The following KLF8 variants were observed in gnomAD, a reference collection of about 807,000 sequenced individuals.
KLF8 encodes KLF transcription factor 8.
A neutral mutation model predicts 18.2 loss-of-function variants in KLF8; 10 were observed. The ratio of observed to expected loss-of-function variants is 0.55; its 90% CI spans 0.34 to 0.93. The LOEUF is 0.93. KLF8 is among the 40% of genes least tolerant of loss of function. The pLI is 0.02. For synonymous variants in KLF8, 109 were observed against 97.3 expected (o/e 1.12, Z -0.71); for missense variants, 264 against 277.9 (o/e 0.95, Z 0.36).
At chrX:56,008,228 G>A in the KLF8 span, among the ~76,000 whole-genome samples, 1 of 108,778 alleles carries the variant, frequency 9.2e-6, no homozygotes. Flanking sequence ...AAAAATGGGG[G>A]GAGGTGGCCA....
At chrX:55,936,984 T>C in the KLF8 span, among the ~76,000 whole-genome samples, 4 of 111,993 alleles carry the variant, frequency 3.6e-5, no homozygotes, top group African/African-American at 1.3e-4. Context: ...CAGTAACCTT[T>C]GCAGACTTAA....
the KLF8 span, among the ~76,000 whole-genome samples, chrX:56,104,842 G>A: frequency 1.8e-5 from 2 of 111,444 alleles, no homozygotes; most frequent in African/African-American, 6.5e-5. Context: ...GCTTTCCCTT[G>A]TGGGCATTTA....
the KLF8 span, among the ~76,000 whole-genome samples, chrX:56,150,241 T>C: frequency 4.5e-5 from 5 of 111,570 alleles, no homozygotes; most frequent in Non-Finnish European, 7.5e-5. Flanking sequence ...TTAGTGAAGG[T>C]TCCTTAACAC....
the KLF8 span, among the ~76,000 whole-genome samples, chrX:56,087,436 A>G: frequency 9.2e-6 from 1 of 109,101 alleles, no homozygotes; most frequent in South Asian, 4.0e-4. Flanking sequence ...GCACCCCCTC[A>G]CCCCTCTCTT....
At chrX:56,168,996 G>T in the KLF8 span, among the ~76,000 whole-genome samples, 16 of 111,696 alleles carry the variant, frequency 1.4e-4, no homozygotes, top group South Asian at 6.1e-3. Flanking sequence ...AAAATAGTAT[G>T]ATAATGGCAT....
chrX:56,051,534 G>T, the KLF8 span, among the ~76,000 whole-genome samples: 2 of 110,358 alleles, frequency 1.8e-5, no homozygotes. Flanking sequence ...ATGAAGCTTA[G>T]TTTGGCTGGA....
rs866594131 is a variant in KLF8, at chrX:56,233,386, G to A, written c.7+45G>A. 2.6e-5 allele frequency: 26 copies of A among 981,171 alleles called. No homozygotes were observed. In the Middle Eastern group the frequency reaches 1.8e-3, roughly 68 times the overall value. The allele number at this position is 981,171 out of a possible 1,213,427, so 80.9% of individuals were successfully genotyped here. On this transcript the variant is annotated intron_variant, in intron 1 of 5. Coordinates refer to ENST00000468660, the MANE Select transcript of KLF8 (RefSeq NM_007250.5). ...ATACCCACCCACTCCCACCTCTTTCGTCTAGATTCTATCCCCCTCCCAGTC... is the reference window on the plus strand; with the variant it reads ...ATACCCACCCACTCCCACCTCTTTCATCTAGATTCTATCCCCCTCCCAGTC...
chrX:56,167,109 G>A, the KLF8 span, among the ~76,000 whole-genome samples: 1 of 111,673 alleles, frequency 9.0e-6, no homozygotes, highest in Non-Finnish European at 1.9e-5. Context: ...TGCCACATGT[G>A]ACACATTGCT....
intron 1 of KLF8, among the ~76,000 whole-genome samples, chrX:56,235,047 A>G (rs1428094653): frequency 1.8e-5 from 2 of 111,170 alleles, no homozygotes; most frequent in Non-Finnish European, 3.8e-5. Context: ...TTGGGAAAAA[A>G]ATAACCATGT....
the KLF8 span, among the ~76,000 whole-genome samples, chrX:56,048,098 G>T: frequency 9.0e-6 from 1 of 111,263 alleles, no homozygotes; most frequent in African/African-American, 3.3e-5. Flanking sequence ...TCCTTTGCCC[G>T]TGTTTTGATG....
chrX:56,120,299 A>C, the KLF8 span, among the ~76,000 whole-genome samples: 1 of 111,466 alleles, frequency 9.0e-6, no homozygotes, highest in Non-Finnish European at 1.9e-5. Context: ...AGCCCTCTTG[A>C]AGGCTTAGGA....
intron 5 of KLF8, among the ~76,000 whole-genome samples, chrX:56,273,838 T>C (rs1218232144): frequency 8.9e-6 from 1 of 112,210 alleles, no homozygotes; most frequent in Non-Finnish European, 1.9e-5. Flanking sequence ...CTAGTTGTTT[T>C]GCCCAGAGGC....
At chrX:56,029,974 A>G in the KLF8 span, among the ~76,000 whole-genome samples, 1 of 112,013 alleles carries the variant, frequency 8.9e-6, no homozygotes, top group South Asian at 3.8e-4. Flanking sequence ...TTCCTGCAAA[A>G]CCAGCCTGTT....
At chrX:56,062,344 G>T in the KLF8 span, among the ~76,000 whole-genome samples, 1 of 111,088 alleles carries the variant, frequency 9.0e-6, no homozygotes, top group Non-Finnish European at 1.9e-5. Flanking sequence ...TCCTTGTTTA[G>T]TGTTTTCTTC....
At chrX:55,975,040 C>T in the KLF8 span, among the ~76,000 whole-genome samples, 1 of 111,346 alleles carries the variant, frequency 9.0e-6, no homozygotes, top group Non-Finnish European at 1.9e-5. Flanking sequence ...TTCTGATAAA[C>T]AGAAAATTAA....
the KLF8 span, among the ~76,000 whole-genome samples, chrX:56,192,185 C>A: frequency 3.1e-4 from 34 of 111,387 alleles, no homozygotes; most frequent in African/African-American, 1.1e-3. Context: ...CAAGAGGAAA[C>A]CATCTGAAAT....
At chrX:56,197,837 C>A in the KLF8 span, among the ~76,000 whole-genome samples, 1 of 112,035 alleles carries the variant, frequency 8.9e-6, no homozygotes, top group South Asian at 3.7e-4. Context: ...CAAAAATCCT[C>A]AATAAAATAC....
chrX:56,166,187 C>T, the KLF8 span, among the ~76,000 whole-genome samples: 4 of 107,514 alleles, frequency 3.7e-5, no homozygotes, highest in African/African-American at 3.4e-5. Context: ...AGAAGAAGTG[C>T]TTCTGGCCAT....
At chrX:56,162,001 A>T in the KLF8 span, among the ~76,000 whole-genome samples, 4 of 112,108 alleles carry the variant, frequency 3.6e-5, no homozygotes, top group Non-Finnish European at 5.6e-5. Context: ...CAGGACCCTC[A>T]GCTGCAGGTC....
Sources: gnomAD v4.1 joint callset for allele counts (sites outside exome capture counted in the v4.1 genomes callset) on GRCh38, gnomAD v4.1.1 for gene constraint, MANE v1.5 for transcripts, NCBI Gene and HGNC (gene_info 2026-07-23, HGNC 2026-07-21) for gene names.